The following MGAT5 variants were observed in gnomAD, a reference collection of about 807,000 sequenced individuals.
MGAT5 encodes alpha-1,6-mannosylglycoprotein 6-beta-N-acetylglucosaminyltransferase.
Under a neutral mutation model 94.3 loss-of-function variants are expected in MGAT5, and 30 were observed. The observed-to-expected ratio is 0.32, with a 90% CI of 0.24 to 0.43. The LOEUF (loss-of-function observed/expected upper bound fraction) is 0.43. Among genes scored for constraint, MGAT5 ranks in the 20% least tolerant of loss-of-function variants. The probability of loss-of-function intolerance (pLI) is 1.00; values close to 1 mark genes in which losing one functional copy is unlikely to be tolerated. For missense variants in MGAT5, 691 were observed against 905.5 expected (o/e 0.76, Z 3.04); for synonymous variants, 310 against 322.9 (o/e 0.96, Z 0.43).
intron 1 of MGAT5, among the ~76,000 whole-genome samples, chr2:134,197,257 A>G (rs1321388447): frequency 3.3e-5 from 5 of 152,196 alleles, no homozygotes. Context: ...TTACGTTTGA[A>G]CTTGACCGTG....
intron 10 of MGAT5, among the ~76,000 whole-genome samples, chr2:134,367,370 T>C (rs1352833136): frequency 1.3e-5 from 2 of 152,256 alleles, no homozygotes; most frequent in Non-Finnish European, 2.9e-5. Flanking sequence ...TCTTAGTCTA[T>C]GTAAGTGGTT....
rs10699301 is a variant in MGAT5 at position 134,235,728 on chromosome 2, G to GT, written c.-142-18522dup. Among the ~76,000 whole-genome samples the GT allele has an allele frequency of 4.4e-3, 643 of 146,790 alleles. 3 individuals are homozygous for GT. The highest frequency in any genetic ancestry group is 7.0e-3 in the Middle Eastern group (2 of 284). On this transcript the variant is annotated intron_variant, in intron 1 of 16. Transcript: ENST00000409645. ...TTAAATCATTGTAATAATAATAGGG[G>GT]TTTTTTTTTTTTGCATGGAGTGATT...
intron 1 of MGAT5, among the ~76,000 whole-genome samples, chr2:134,195,412 C>A (rs1679448474): frequency 6.6e-6 from 1 of 152,168 alleles, no homozygotes; most frequent in African/African-American, 2.4e-5. Flanking sequence ...TTCTGTTGAA[C>A]AATTCTTATG....
rs966998398 is a variant in MGAT5 at position 134,124,926 on chromosome 2, A to G, written c.-143+4635A>G. Among the ~76,000 whole-genome samples, 4 of 152,356 alleles carry G rather than the reference A, an allele frequency of 2.6e-5. No homozygotes were observed. In the East Asian group the frequency reaches 7.7e-4, roughly 29 times the overall value. ...TTTAAAGTTGTAGTTCGGTGCACAG[A>G]CTTCTTATAAGTCCTGTCATGCTGG... is the stretch of plus-strand genomic sequence containing the variant. On this transcript the variant is annotated intron_variant, in intron 1 of 16. Transcript: ENST00000409645.
chr2:134,290,869 C>T (rs890946598), intron 2 of MGAT5, among the ~76,000 whole-genome samples: 1 of 152,190 alleles, frequency 6.6e-6, no homozygotes, highest in Non-Finnish European at 1.5e-5. Flanking sequence ...CAGAGGGAAT[C>T]CACTTGATCA....
At chr2:134,169,060 CT>C (rs751409225) in intron 1 of MGAT5, among the ~76,000 whole-genome samples, 4 of 152,146 alleles carry the variant, frequency 2.6e-5, no homozygotes, top group Non-Finnish European at 4.4e-5. Context: ...GCTGGGCCCC[CT>C]GCACCTGTAT....
chr2:134,206,368 G>C (rs1680021266), intron 1 of MGAT5, among the ~76,000 whole-genome samples: 1 of 152,196 alleles, frequency 6.6e-6, no homozygotes, highest in South Asian at 2.1e-4. Context: ...TGAATAGTAG[G>C]GGTGAGCTAG....
intron 1 of MGAT5, among the ~76,000 whole-genome samples, chr2:134,262,712 C>T (rs1211922937): frequency 6.6e-6 from 1 of 152,220 alleles, no homozygotes; most frequent in Non-Finnish European, 1.5e-5. Flanking sequence ...GCATTCATTC[C>T]TATTAGTAAT....
chr2:134,447,165 T>C (rs188945617), intron 15 of MGAT5, among the ~76,000 whole-genome samples: 47 of 152,198 alleles, frequency 3.1e-4, no homozygotes, highest in Non-Finnish European at 5.6e-4. Context: ...TACAAGCCCA[T>C]TTGGAAGCTT....
chr2:134,315,647 T>G (rs1185449692), intron 2 of MGAT5, among the ~76,000 whole-genome samples: 1 of 152,228 alleles, frequency 6.6e-6, no homozygotes, highest in Non-Finnish European at 1.5e-5. Context: ...TTTAAGCACC[T>G]GCTGTGGTCC....
chr2:134,162,725 T>C (rs1423672839), intron 1 of MGAT5, among the ~76,000 whole-genome samples: 1 of 152,194 alleles, frequency 6.6e-6, no homozygotes, highest in African/African-American at 2.4e-5. Context: ...GGAGGAGGGG[T>C]AGAAATAACA....
intron 1 of MGAT5, among the ~76,000 whole-genome samples, chr2:134,131,382 G>T (rs923500482): frequency 2.0e-5 from 3 of 152,286 alleles, no homozygotes; most frequent in Non-Finnish European, 4.4e-5. Context: ...AGCCAGAACT[G>T]GCAGAGCCAG....
At chr2:134,351,557 A>G (rs910519416) in intron 9 of MGAT5, among the ~76,000 whole-genome samples, 4 of 152,118 alleles carry the variant, frequency 2.6e-5, no homozygotes, top group Non-Finnish European at 5.9e-5. Flanking sequence ...TTTGTTCTCC[A>G]TGGATGGAGA....
intron 10 of MGAT5, among the ~76,000 whole-genome samples, chr2:134,364,779 A>G (rs1356115535): frequency 6.6e-6 from 1 of 152,258 alleles, no homozygotes; most frequent in Non-Finnish European, 1.5e-5. Flanking sequence ...GAAAAATCCT[A>G]TAAAGTTTTC....
At chr2:134,196,383 T>C (rs895247768) in intron 1 of MGAT5, among the ~76,000 whole-genome samples, 1 of 148,758 alleles carries the variant, frequency 6.7e-6, no homozygotes, top group African/African-American at 2.5e-5. Context: ...TATGGCCTTT[T>C]CTTTCAGATC....
At chr2:134,180,413 G>T (rs1688678540) in intron 1 of MGAT5, among the ~76,000 whole-genome samples, 1 of 152,158 alleles carries the variant, frequency 6.6e-6, no homozygotes, top group Admixed American at 6.5e-5. Context: ...AAAGTCAACA[G>T]GTACCACTGG....
intron 1 of MGAT5, among the ~76,000 whole-genome samples, chr2:134,260,382 C>T (rs181023392): frequency 7.7e-4 from 117 of 152,242 alleles, no homozygotes; most frequent in Non-Finnish European, 1.4e-3. Context: ...TTTGGACTTC[C>T]GATTGGCCCT....
At chr2:134,198,806 C>T (rs1017430261) in intron 1 of MGAT5, among the ~76,000 whole-genome samples, 2 of 152,188 alleles carry the variant, frequency 1.3e-5, no homozygotes, top group Non-Finnish European at 2.9e-5. Flanking sequence ...CTACTTATAA[C>T]TTTTGGTAAC....
chr2:134,360,511 C>T (rs183643807), intron 9 of MGAT5, among the ~76,000 whole-genome samples: 2 of 152,142 alleles, frequency 1.3e-5, no homozygotes, highest in East Asian at 1.9e-4. Context: ...TTCAAAGCAT[C>T]GTGCTTTAAT....
Sources: gnomAD v4.1 joint callset for allele counts (sites outside exome capture counted in the v4.1 genomes callset) on GRCh38, gnomAD v4.1.1 for gene constraint, MANE v1.5 for transcripts, NCBI Gene and HGNC (gene_info 2026-07-23, HGNC 2026-07-21) for gene names.